CNTNAP2: variants seen among roughly 807,000 people sequenced by gnomAD.
CNTNAP2 encodes the protein contactin associated protein 2.
A neutral mutation model predicts 155.2 loss-of-function variants in CNTNAP2; 98 were observed. The ratio of observed to expected loss-of-function variants is 0.63; its 90% CI spans 0.54 to 0.75. The LOEUF (loss-of-function observed/expected upper bound fraction) is 0.75, where lower values mean the gene tolerates loss of function less well. Among genes scored for constraint, CNTNAP2 ranks in the 30% least tolerant of loss-of-function variants. The probability of loss-of-function intolerance (pLI) is 0.00; values close to 1 mark genes in which losing one functional copy is unlikely to be tolerated. For missense variants in CNTNAP2, 1,727 were observed against 1,688.1 expected (o/e 1.02, Z -0.40); for synonymous variants, 651 against 631.2 (o/e 1.03, Z -0.47).
intron 1 of CNTNAP2, among the ~76,000 whole-genome samples, chr7:146,246,738 A>G (rs1799664981): frequency 6.6e-6 from 1 of 152,108 alleles, no homozygotes; most frequent in Non-Finnish European, 1.5e-5. Flanking sequence ...GGTGAGTTGG[A>G]CAGTCCGATT....
chr7:146,354,363 T>G (rs1353156284), intron 1 of CNTNAP2, among the ~76,000 whole-genome samples: 2 of 152,120 alleles, frequency 1.3e-5, no homozygotes, highest in African/African-American at 4.8e-5. Context: ...GTCTAATTAT[T>G]ATTGTAGACA....
intron 21 of CNTNAP2, among the ~76,000 whole-genome samples, chr7:148,268,634 G>A (rs547470403): frequency 2.2e-5 from 3 of 137,930 alleles, no homozygotes; most frequent in African/African-American, 8.2e-5. Flanking sequence ...CAGCCTGGGC[G>A]ACAGAGGGAG....
chr7:146,725,090 C>G (rs921218876), intron 1 of CNTNAP2, among the ~76,000 whole-genome samples: 2 of 150,714 alleles, frequency 1.3e-5, no homozygotes, highest in African/African-American at 2.5e-5. Flanking sequence ...CCTTCGTGGA[C>G]CTTCACTTGC....
At chr7:147,702,894 A>C (rs2117006416) in intron 13 of CNTNAP2, among the ~76,000 whole-genome samples, 1 of 152,270 alleles carries the variant, frequency 6.6e-6, no homozygotes, top group South Asian at 2.1e-4. Context: ...CAAATTAGGT[A>C]GTTAGTCCTG....
chr7:146,687,571 A>G (rs1463705492), intron 1 of CNTNAP2, among the ~76,000 whole-genome samples: 1 of 142,746 alleles, frequency 7.0e-6, no homozygotes, highest in African/African-American at 2.5e-5. Context: ...TGAATTTTTA[A>G]TACATGGATG....
intron 1 of CNTNAP2, among the ~76,000 whole-genome samples, chr7:146,325,095 T>C (rs1801074195): frequency 6.6e-6 from 1 of 151,782 alleles, no homozygotes; most frequent in Admixed American, 6.6e-5. Context: ...CTACTACCAA[T>C]TTTTTGTTTT....
chr7:147,240,198 C>T (rs780337008), intron 8 of CNTNAP2, among the ~76,000 whole-genome samples: 1 of 152,174 alleles, frequency 6.6e-6, no homozygotes, highest in African/African-American at 2.4e-5. Flanking sequence ...TGGCATGCGC[C>T]TCTCGTTCCT....
intron 10 of CNTNAP2, among the ~76,000 whole-genome samples, chr7:147,447,360 A>G (rs1027300054): frequency 6.6e-6 from 1 of 152,172 alleles, no homozygotes; most frequent in African/African-American, 2.4e-5. Flanking sequence ...AGAAAAACAC[A>G]CCAAAATATT....
rs547191326 is a variant in CNTNAP2 at position 146,480,351 on chromosome 7, T to C, written c.98-293920T>C. ...AGAATGATTTGATTATAGGTACCAG[T>C]GTCATGGCTTTATAAAGATGGTTAT... is the stretch of plus-strand genomic sequence containing the variant. On this transcript the variant is annotated intron_variant, in intron 1 of 23. Transcript: ENST00000361727. Among the ~76,000 whole-genome samples the C allele has an allele frequency of 7.2e-5, 11 of 152,284 alleles. No individual in the cohort carries two copies. In the East Asian group the frequency reaches 2.1e-3, roughly 29 times the overall value.
intron 20 of CNTNAP2, among the ~76,000 whole-genome samples, chr7:148,242,626 T>C (rs1011056591): frequency 3.9e-5 from 6 of 152,238 alleles, no homozygotes; most frequent in Non-Finnish European, 7.3e-5. Flanking sequence ...TTGGTATTAC[T>C]TATAGAAATG....
At chr7:146,720,705 T>C (rs772230102) in intron 1 of CNTNAP2, among the ~76,000 whole-genome samples, 3 of 151,870 alleles carry the variant, frequency 2.0e-5, no homozygotes, top group Non-Finnish European at 4.4e-5. Flanking sequence ...CTCTTTATTA[T>C]AGATTGTATG....
chr7:147,078,314 T>C (rs1388762300), intron 4 of CNTNAP2, among the ~76,000 whole-genome samples: 1 of 152,228 alleles, frequency 6.6e-6, no homozygotes, highest in South Asian at 2.1e-4. Flanking sequence ...TACTCATTAA[T>C]TAAAGTAGAA....
At chr7:147,932,330 A>G (rs1395698884) in intron 14 of CNTNAP2, among the ~76,000 whole-genome samples, 2 of 152,232 alleles carry the variant, frequency 1.3e-5, no homozygotes, top group Non-Finnish European at 2.9e-5. Context: ...CTGAAGCTTC[A>G]GTAATTAAAA....
At chr7:146,587,886 C>A (rs1798718882) in intron 1 of CNTNAP2, among the ~76,000 whole-genome samples, 1 of 151,938 alleles carries the variant, frequency 6.6e-6, no homozygotes, top group Non-Finnish European at 1.5e-5. Context: ...GTTGGCCAGG[C>A]TAGTCTTGAA....
At chr7:148,028,458 G>A (rs538771686) in intron 15 of CNTNAP2, among the ~76,000 whole-genome samples, 6 of 152,064 alleles carry the variant, frequency 3.9e-5, no homozygotes, top group South Asian at 2.1e-4. Flanking sequence ...GATGACCCCC[G>A]GACAGCAAAA....
At chr7:148,024,583 C>A (rs2116922823) in intron 15 of CNTNAP2, among the ~76,000 whole-genome samples, 1 of 152,284 alleles carries the variant, frequency 6.6e-6, no homozygotes, top group East Asian at 1.9e-4. Flanking sequence ...AAGGACCCAA[C>A]TTTTACACTC....
At chr7:146,190,383 A>T (rs2116850754) in intron 1 of CNTNAP2, among the ~76,000 whole-genome samples, 1 of 152,330 alleles carries the variant, frequency 6.6e-6, no homozygotes, top group Non-Finnish European at 1.5e-5. Flanking sequence ...ACGATAAAGG[A>T]TGCACAAAGC....
At chr7:146,695,020 A>G (rs895000302) in intron 1 of CNTNAP2, among the ~76,000 whole-genome samples, 1 of 152,176 alleles carries the variant, frequency 6.6e-6, no homozygotes, top group Non-Finnish European at 1.5e-5. Flanking sequence ...ATAGGTAATC[A>G]TGACATTTGC....
Position 147,198,955 on chromosome 7 carries a change from C to CTTTT in CNTNAP2, c.1348+66467_1348+66470dup, listed in dbSNP as rs531893928. ...GCCCTCTAACTAGCTAATCAAAGGACTTTTTTTTTTTTTTTTTTTTTTTTG... is the reference window on the plus strand; with the variant it reads ...GCCCTCTAACTAGCTAATCAAAGGACTTTTTTTTTTTTTTTTTTTTTTTTTTTTG... On this transcript the variant is annotated intron_variant, in intron 8 of 23. Transcript: ENST00000361727. 3.7e-4 allele frequency among the ~76,000 whole-genome samples: 37 copies of CTTTT among 99,280 alleles called. 1 individual carries two copies. The highest frequency in any genetic ancestry group is 5.2e-4 in the African/African-American group (13 of 25,070). 65.1% of individuals were successfully genotyped at this position (99,280 alleles called of 152,430 possible). A position where few individuals can be genotyped will look rare whatever the true frequency, so the allele number is the denominator to read the frequency against.
Sources: allele counts gnomAD v4.1 joint callset (sites outside exome capture counted in the v4.1 genomes callset), GRCh38; gene constraint gnomAD v4.1.1; transcripts MANE v1.5; gene names NCBI Gene and HGNC (gene_info 2026-07-23, HGNC 2026-07-21).